The following USP34 variants were observed in gnomAD, a reference collection of about 807,000 sequenced individuals.
USP34 encodes ubiquitin carboxyl-terminal hydrolase 34.
Under a neutral mutation model 460.3 loss-of-function variants are expected in USP34, and 70 were observed. The observed-to-expected ratio is 0.15, with a 90% CI of 0.13 to 0.19. The LOEUF (loss-of-function observed/expected upper bound fraction) is 0.19, where lower values mean the gene tolerates loss of function less well. Ranked by LOEUF, USP34 falls within the 10% of genes least tolerant of loss-of-function variation. The pLI, the probability that USP34 is intolerant of heterozygous loss-of-function variation, is 1.00. For missense variants in USP34, 3,985 were observed against 4,236.2 expected (o/e 0.94, Z 1.65); for synonymous variants, 1,647 against 1,405.3 (o/e 1.17, Z -3.85).
intron 41 of USP34, among the ~76,000 whole-genome samples, chr2:61,269,117 G>A (rs1226173498): frequency 6.6e-6 from 1 of 152,132 alleles, no homozygotes; most frequent in African/African-American, 2.4e-5. Context: ...GGGGAATCAA[G>A]TGGAAATACT....
At chr2:61,190,097 C>CT in intron 78 of USP34, 174 bp downstream of exon 78, 1 of 697,530 alleles carries the variant, frequency 1.4e-6, no homozygotes, top group South Asian at 2.5e-5. Flanking sequence ...ATAGAGTGTG[C>CT]TGTGTACATA....
At chr2:61,358,462 A>G (rs1292040275) in intron 10 of USP34, among the ~76,000 whole-genome samples, 1 of 152,114 alleles carries the variant, frequency 6.6e-6, no homozygotes, top group Non-Finnish European at 1.5e-5. Context: ...TCAGAAAACT[A>G]AAAGAGAAAA....
At chr2:61,407,752 A>G (rs1185192825) in intron 2 of USP34, among the ~76,000 whole-genome samples, 1 of 152,132 alleles carries the variant, frequency 6.6e-6, no homozygotes, top group African/African-American at 2.4e-5. Flanking sequence ...GAAGCCACCT[A>G]TCACTGAAAA....
At chr2:61,290,872 T>G (rs187271716) in intron 33 of USP34, among the ~76,000 whole-genome samples, 2 of 152,030 alleles carry the variant, frequency 1.3e-5, no homozygotes, top group African/African-American at 4.8e-5. Flanking sequence ...ACAGAAAACA[T>G]AGTCATCAAT....
intron 72 of USP34, among the ~76,000 whole-genome samples, chr2:61,205,103 T>C (rs1445247260): frequency 1.3e-5 from 2 of 152,114 alleles, no homozygotes; most frequent in East Asian, 3.9e-4. Flanking sequence ...AGCAATCCCC[T>C]CCTGCCTAGA....
intron 27 of USP34, among the ~76,000 whole-genome samples, chr2:61,310,695 T>G (rs1690564944): frequency 6.6e-6 from 1 of 151,026 alleles, no homozygotes; most frequent in Non-Finnish European, 1.5e-5. Context: ...ATATATATAT[T>G]AGGCCTACAT....
chr2:61,451,220 CAAAA>C (rs70963432), intron 1 of USP34, among the ~76,000 whole-genome samples: 3 of 50,806 alleles, frequency 5.9e-5, no homozygotes, highest in Non-Finnish European at 1.1e-4. Context: ...GGCTTCATCT[CAAAA>C]AAAAAAAAAA....
chr2:61,200,670 A>T (rs565380639), intron 75 of USP34: 2 of 152,426 alleles, frequency 1.3e-5, no homozygotes, highest in South Asian at 4.1e-4. Context: ...TCAACGTTCA[A>T]ATGATTAAAG....
intron 48 of USP34, among the ~76,000 whole-genome samples, chr2:61,255,246 C>T (rs1358643004): frequency 1.3e-5 from 2 of 152,178 alleles, no homozygotes; most frequent in Non-Finnish European, 2.9e-5. Context: ...CCAAAGATAA[C>T]AACAATACAC....
intron 57 of USP34, among the ~76,000 whole-genome samples, chr2:61,232,916 C>CTGGA (rs1687955695): frequency 8.6e-6 from 1 of 116,120 alleles, no homozygotes; most frequent in South Asian, 3.1e-4. Context: ...GTTGCCCAGG[C>CTGGA]TGGAGTGCAG....
At chr2:61,250,046 G>A (rs1412849833) in intron 48 of USP34, among the ~76,000 whole-genome samples, 37 of 152,188 alleles carry the variant, frequency 2.4e-4, no homozygotes, top group Admixed American at 2.1e-3. Flanking sequence ...CCAGGAGTTC[G>A]AGACCATTCT....
intron 1 of USP34, among the ~76,000 whole-genome samples, chr2:61,438,525 G>A (rs1694879328): frequency 6.6e-6 from 1 of 152,036 alleles, no homozygotes; most frequent in Non-Finnish European, 1.5e-5. Flanking sequence ...GCTTGAACCT[G>A]GGAGGCAGAG....
chr2:61,429,356 A>AGAAT lies in USP34; in HGVS notation c.44-8527_44-8524dup, dbSNP rs547552928. Among the ~76,000 whole-genome samples, 99 of 152,292 alleles carry AGAAT rather than the reference A, an allele frequency of 6.5e-4. 2 individuals are homozygous for AGAAT. The East Asian group carries it at 0.018, about 28-fold the overall frequency. On this transcript the variant is annotated intron_variant, in intron 1 of 79. Coordinates refer to ENST00000398571, the MANE Select transcript of USP34 (RefSeq NM_014709.4). ...CAGCTACTTGGGAGGCTGAGGCAGG[A>AGAAT]GAATGGCATGAACCCAGGAGGCAGA...
At chr2:61,228,591 A>C in intron 61 of USP34, 54 bp downstream of exon 61, 4 of 1,538,056 alleles carry the variant, frequency 2.6e-6, no homozygotes, top group Non-Finnish European at 3.5e-6. Context: ...CGCACGATGC[A>C]AACTATGAAA....
At chr2:61,272,674 A>C (rs1572890614) in intron 41 of USP34, among the ~76,000 whole-genome samples, 1 of 152,324 alleles carries the variant, frequency 6.6e-6, no homozygotes, top group African/African-American at 2.4e-5. Context: ...AATTCAGATC[A>C]CATCTCTCCT....
At chr2:61,451,581 T>C (rs946176951) in intron 1 of USP34, among the ~76,000 whole-genome samples, 2 of 150,738 alleles carry the variant, frequency 1.3e-5, no homozygotes, top group East Asian at 2.0e-4. Flanking sequence ...ACTCGGAAGG[T>C]TGAGGCAGGA....
At chr2:61,345,066 A>G (rs1490079904) in intron 15 of USP34, among the ~76,000 whole-genome samples, 1 of 152,192 alleles carries the variant, frequency 6.6e-6, no homozygotes, top group Admixed American at 6.5e-5. Context: ...TGAGGTCAGC[A>G]GCTCAAGACC....
intron 79 of USP34, 68 bp downstream of exon 79, chr2:61,188,842 C>A: frequency 1.3e-6 from 2 of 1,587,562 alleles, no homozygotes; most frequent in South Asian, 2.3e-5. Flanking sequence ...ACTCTTAAAC[C>A]AGTTACACCA....
chr2:61,235,328 C>CT (rs10537200), intron 57 of USP34, among the ~76,000 whole-genome samples: 10 of 123,398 alleles, frequency 8.1e-5, no homozygotes, highest in Non-Finnish European at 1.7e-4. Context: ...ATTTTTTTTT[C>CT]TTTTTTTTTT....
Sources: gnomAD v4.1 joint callset for allele counts (sites outside exome capture counted in the v4.1 genomes callset) on GRCh38, gnomAD v4.1.1 for gene constraint, MANE v1.5 for transcripts, NCBI Gene and HGNC (gene_info 2026-07-23, HGNC 2026-07-21) for gene names.